CHRNB4: variants seen among roughly 807,000 people sequenced by gnomAD.
The protein encoded by CHRNB4 is neuronal acetylcholine receptor subunit beta-4.
In CHRNB4, 23 loss-of-function variants were observed where a neutral mutation model predicts 40.4. The ratio of observed to expected loss-of-function variants is 0.57; its 90% CI spans 0.41 to 0.81. CHRNB4 has a LOEUF of 0.81. CHRNB4 is among the 30% of genes least tolerant of loss of function. CHRNB4 has a pLI of 0.00. For missense variants in CHRNB4, 568 were observed against 670.6 expected (o/e 0.85, Z 1.69); for synonymous variants, 285 against 274.4 (o/e 1.04, Z -0.38).
intron 1 of CHRNB4, among the ~76,000 whole-genome samples, chr15:78,638,627 C>CT (rs1270448597): frequency 3.5e-4 from 26 of 73,402 alleles, no homozygotes; most frequent in Non-Finnish European, 9.4e-4. Flanking sequence ...GGCCGGGGGG[C>CT]CGGGGGGGTG....
At chr15:78,651,079 G>C (rs117023334) in intron 6 of CHRNB4, among the ~76,000 whole-genome samples, 2,568 of 152,170 alleles carry the variant, frequency 0.017, 48 homozygotes, top group Admixed American at 0.064. Context: ...ATCTCAACCA[G>C]TTTGAACTGG....
At chr15:78,631,249 A>G (rs1394402767) in intron 3 of CHRNB4, 39 bp downstream of exon 3, 1 of 1,613,704 alleles carries the variant, frequency 6.2e-7, no homozygotes, top group Non-Finnish European at 8.5e-7. Flanking sequence ...AGCCCTAAAG[A>G]AAAGATCTCT....
At chr15:78,643,993 C>A (rs368407757), upstream of CHRNB4, among the ~76,000 whole-genome samples, 429 of 115,700 alleles carry the variant, frequency 3.7e-3, no homozygotes, top group Non-Finnish European at 5.1e-3. Flanking sequence ...ACTAAAAATA[C>A]AAAAAAAAAA....
At chr15:78,644,498 C>G (rs1383533693), upstream of CHRNB4, among the ~76,000 whole-genome samples, 2 of 151,988 alleles carry the variant, frequency 1.3e-5, no homozygotes, top group Non-Finnish European at 2.9e-5. Context: ...ATACCAGGCC[C>G]TCACTAGACA....
At chr15:78,648,505 C>CA (rs1234570212) in intron 7 of CHRNB4, among the ~76,000 whole-genome samples, 1 of 151,744 alleles carries the variant, frequency 6.6e-6, no homozygotes, top group Non-Finnish European at 1.5e-5. Context: ...CCTGTAATCC[C>CA]AGCACTTTGG....
intron 5 of CHRNB4, 44 bp from the exon 6 acceptor site, chr15:78,625,335 G>C (rs768086694): frequency 6.7e-7 from 1 of 1,502,854 alleles, no homozygotes; most frequent in Admixed American, 2.3e-5. Flanking sequence ...CAAGTACTGG[G>C]GTCCCTCCTT....
chr15:78,632,519 C>T (rs1472656037), intron 2 of CHRNB4, among the ~76,000 whole-genome samples: 23 of 152,036 alleles, frequency 1.5e-4, no homozygotes, highest in Admixed American at 1.4e-3. Context: ...TCATGATGCC[C>T]AGGCTGGTCT....
At chr15:78,626,610 T>C (rs2053666621) in intron 5 of CHRNB4, 1 of 152,228 alleles carries the variant, frequency 6.6e-6, no homozygotes, top group Admixed American at 6.5e-5. Flanking sequence ...AGTTTAAGGA[T>C]GACAGGCAGA....
At position 78,635,485 on chromosome 15, in the gene CHRNB4, A is replaced by G; in HGVS notation, c.158T>C (p.Leu53Pro). 6.2e-7 allele frequency: 1 copy of G among 1,614,106 alleles called. No individual in the cohort carries two copies. Among genetic ancestry groups the G allele is most frequent in the Non-Finnish European group, 8.5e-7 (1 of 1,180,016 alleles). Residue 53 changes from leucine to proline, a missense_variant, in exon 2 of 6, where the codon CTC becomes CCC. By Grantham distance (98) the Leu-to-Pro change is moderately conservative. Around this residue, in one of 4 missense-constraint regions of CHRNB4, gnomAD observed 161 missense variants for 148.1 expected, o/e 1.09. Coordinates refer to ENST00000261751, the MANE Select transcript of CHRNB4 (RefSeq NM_000750.5). ...GGAGAGCTGCAGCTTGATGGAGATG[A>G]GCTGTGAGGAGCTGGTGGCTGGGCG... ...LIRPATSSSQ[L>P]ISIKLQLSLA...
intron 1 of CHRNB4, among the ~76,000 whole-genome samples, chr15:78,637,429 A>G (rs1379275944): frequency 6.6e-6 from 1 of 151,550 alleles, no homozygotes; most frequent in Non-Finnish European, 1.5e-5. Context: ...AGAGATGAGA[A>G]TGAGCAGAAG....
exon 4 of CHRNB4, chr15:78,656,353 A>AAG (rs1371328421): frequency 2.4e-4 from 36 of 151,888 alleles, no homozygotes; most frequent in Admixed American, 2.2e-3. Flanking sequence ...AAAAAAAAAA[A>AAG]AGGAATAAAT....
intron 1 of CHRNB4, among the ~76,000 whole-genome samples, chr15:78,637,323 G>A (rs960139532): frequency 6.6e-6 from 1 of 152,204 alleles, no homozygotes; most frequent in African/African-American, 2.4e-5. Flanking sequence ...AGTGTCTTCA[G>A]GGAGAATGTG....
chr15:78,637,535 C>T (rs1322726007), intron 1 of CHRNB4, among the ~76,000 whole-genome samples: 2 of 152,072 alleles, frequency 1.3e-5, no homozygotes, highest in South Asian at 2.1e-4. Flanking sequence ...CTGCCTGGCT[C>T]GCCAGGCTCA....
At chr15:78,641,839 T>A (rs140829446), upstream of CHRNB4, among the ~76,000 whole-genome samples, 115 of 152,238 alleles carry the variant, frequency 7.6e-4, 1 homozygote, top group East Asian at 0.019. Context: ...CAGAGGCCGC[T>A]CAGGTGATTC....
intron 7 of CHRNB4, among the ~76,000 whole-genome samples, chr15:78,646,713 C>T (rs1411850224): frequency 6.6e-6 from 1 of 152,204 alleles, no homozygotes; most frequent in East Asian, 1.9e-4. Flanking sequence ...AGAGCTCCAC[C>T]CTCCTGACCT....
chr15:78,658,024 TTC>T (rs1374471805), intron 2 of CHRNB4, among the ~76,000 whole-genome samples: 2 of 123,270 alleles, frequency 1.6e-5, no homozygotes, highest in Non-Finnish European at 3.4e-5. Context: ...TGTCTCTTGT[TTC>T]TCTTTTTTTT....
chr15:78,625,230 A>G lies in CHRNB4; in HGVS notation c.1400T>C (p.Met467Thr), dbSNP rs759210309. 1.3e-6 allele frequency: 2 copies of G among 1,586,916 alleles called. No individual in the cohort carries two copies. The highest frequency in any genetic ancestry group is 2.3e-5 in the South Asian group (2 of 88,030). ...VVDRLFLWVF[M>T]FVCVLGTVGL... Reference sequence around the variant, plus strand: ...CACAGTGCCCAGGACGCACACAAACATGAACACCCACAGGAACAGCCGGTC... The same window carrying G: ...CACAGTGCCCAGGACGCACACAAACGTGAACACCCACAGGAACAGCCGGTC... Residue 467 changes from methionine to threonine, a missense_variant, in exon 6 of 6, where the codon ATG becomes ACG. Physicochemically the swap from Met to Thr is moderately conservative, Grantham distance 81 (BLOSUM62 -1). Coordinates refer to ENST00000261751, the MANE Select transcript of CHRNB4 (RefSeq NM_000750.5).
At chr15:78,647,530 A>T (rs1225888075) in intron 7 of CHRNB4, among the ~76,000 whole-genome samples, 2 of 151,822 alleles carry the variant, frequency 1.3e-5, no homozygotes, top group Non-Finnish European at 2.9e-5. Context: ...ATACATCAAT[A>T]ACAACAGGTT....
Position 78,629,044 on chromosome 15 carries a change from G to C in CHRNB4, c.1261C>G (p.Arg421Gly), listed in dbSNP as rs534736744. ...TCTAATGCCTCCTGCACATCCTGTC[G>C]GAACCTCCCAGAGGACCGCAGCCAG... ...DFWLRSSGRF[R>G]QDVQEALEGV... Residue 421 changes from arginine to glycine, a missense_variant, in exon 5 of 6, where the codon CGA becomes GGA. Physicochemically the swap from Arg to Gly is moderately radical, Grantham distance 125. Transcript: ENST00000261751. This position sits in a 1 kb window ranked among gnomAD's most constrained non-coding sequence, Gnocchi z 6.8. 12 of 1,614,144 alleles carry C rather than the reference G, an allele frequency of 7.4e-6. No homozygotes were observed. The South Asian group carries it at 1.3e-4, about 18-fold the overall frequency.
Sources: allele counts gnomAD v4.1 joint callset (sites outside exome capture counted in the v4.1 genomes callset), GRCh38; gene constraint gnomAD v4.1.1; regional missense constraint gnomAD v4.1.1; non-coding constraint Gnocchi (gnomAD v3.1); transcripts MANE v1.5; gene names NCBI Gene and HGNC (gene_info 2026-07-23, HGNC 2026-07-21).